The following DNAJB4 variants were observed in gnomAD, a reference collection of about 807,000 sequenced individuals.
DNAJB4 encodes the protein DnaJ heat shock protein family (Hsp40) member B4.
DNAJB4 carries 10 observed loss-of-function variants against 26.6 expected under a neutral mutation model. The observed-to-expected ratio is 0.38, with a 90% CI of 0.23 to 0.64. DNAJB4 has a LOEUF of 0.64. Among genes scored for constraint, DNAJB4 ranks in the 30% least tolerant of loss-of-function variants. The pLI is 0.58. For synonymous variants in DNAJB4, 136 were observed against 134.8 expected, an observed-to-expected ratio of 1.01 and a Z score of -0.06; for missense variants, 328 against 408.2, an observed-to-expected ratio of 0.80 and a Z score of 1.69.
chr1:78,008,860 A>C (rs1660395178), intron 1 of DNAJB4, among the ~76,000 whole-genome samples: 1 of 152,184 alleles, frequency 6.6e-6, no homozygotes, highest in Admixed American at 6.5e-5. Flanking sequence ...TTAGTCTTGA[A>C]TAGTTTAGTG....
chr1:77,995,762 G>A (rs1660046008), intron 1 of DNAJB4, among the ~76,000 whole-genome samples: 1 of 152,146 alleles, frequency 6.6e-6, no homozygotes, highest in African/African-American at 2.4e-5. Context: ...CTAACTCAGT[G>A]TTTAAAATCA....
rs189349371 is a variant in DNAJB4 at position 77,986,367 on chromosome 1, A to C, written c.-32+6045A>C. The stretch of plus-strand genomic sequence containing the variant: ...CATCTAGTCTTCATCCAGACAACTC[A>C]AACAATAAAAATCTTCAAGTCTGAT... On this transcript the variant is annotated intron_variant, in intron 1 of 2. Transcript: ENST00000426517. Among the ~76,000 whole-genome samples, 143 of 152,328 alleles carry C rather than the reference A, an allele frequency of 9.4e-4. 2 individuals are homozygous for C. The highest frequency in any genetic ancestry group is 9.3e-3 in the Admixed American group (143 of 15,308).
chr1:77,988,555 A>T (rs1435544946), intron 1 of DNAJB4, among the ~76,000 whole-genome samples: 1 of 152,112 alleles, frequency 6.6e-6, no homozygotes, highest in Non-Finnish European at 1.5e-5. Flanking sequence ...TTCCTCAAAG[A>T]TGCCTTGCAT....
At chr1:77,988,467 T>A (rs1432693604) in intron 1 of DNAJB4, among the ~76,000 whole-genome samples, 1 of 152,226 alleles carries the variant, frequency 6.6e-6, no homozygotes, top group African/African-American at 2.4e-5. Flanking sequence ...TACAAGCCTC[T>A]GTATTGCATC....
chr1:77,999,608 A>G (rs1271629092), intron 1 of DNAJB4, among the ~76,000 whole-genome samples: 1 of 152,202 alleles, frequency 6.6e-6, no homozygotes, highest in African/African-American at 2.4e-5. Flanking sequence ...CTATTTGTCA[A>G]TAAACATCCA....
chr1:78,006,351 A>G (rs1660329752), intron 1 of DNAJB4, among the ~76,000 whole-genome samples: 1 of 152,186 alleles, frequency 6.6e-6, no homozygotes, highest in African/African-American at 2.4e-5. Flanking sequence ...TTCAACTTTT[A>G]ACATCAGGAC....
chr1:77,996,147 A>T lies in DNAJB4; in HGVS notation c.-31-8933A>T, dbSNP rs559979285. 2.0e-4 allele frequency among the ~76,000 whole-genome samples: 30 copies of T among 152,238 alleles called. No homozygotes were observed. The East Asian group carries it at 5.4e-3, about 27-fold the overall frequency. On this transcript the variant is annotated intron_variant, in intron 1 of 2. Transcript: ENST00000426517. ...AAGTTAGTTCTATACTCCCCAAAAA[A>T]GGAAATGATATATATATTTTTTGGA...
chr1:78,017,292 T>A lies in DNAJB4; in HGVS notation c.*1045T>A, dbSNP rs183698927. 5 of 152,092 alleles carry A rather than the reference T, an allele frequency of 3.3e-5. No individual in the cohort carries two copies. Among genetic ancestry groups the A allele is most frequent in the African/African-American group, 1.2e-4 (5 of 41,560 alleles). 9.4% of individuals were successfully genotyped at this position (152,092 alleles called of 1,614,324 possible). A position where few individuals can be genotyped will look rare whatever the true frequency, so the allele number is the denominator to read the frequency against. On this transcript the variant is annotated 3_prime_UTR_variant, in exon 3 of 3. Transcript: ENST00000370763. ...GCATTTCTTAGGTGTTTTAATTTTT[T>A]AAATATATTTATGTTTTAAAAATTT...
chr1:77,989,718 G>A (rs1659888077), intron 1 of DNAJB4, among the ~76,000 whole-genome samples: 1 of 152,142 alleles, frequency 6.6e-6, no homozygotes, highest in Non-Finnish European at 1.5e-5. Context: ...GTGGTGTCAG[G>A]ATGCCTTCAG....
intron 2 of DNAJB4, among the ~76,000 whole-genome samples, chr1:78,014,710 C>G (rs1660587218): frequency 1.3e-5 from 2 of 152,062 alleles, no homozygotes; most frequent in Admixed American, 1.3e-4. Context: ...AAGTAATTCT[C>G]CTGCCTCAGG....
chr1:77,992,412 C>CAAAAAAAAAA (rs67649336), intron 1 of DNAJB4, among the ~76,000 whole-genome samples: 3 of 47,744 alleles, frequency 6.3e-5, no homozygotes, highest in African/African-American at 8.2e-5. Flanking sequence ...GACTCCGTCT[C>CAAAAAAAAAA]AAAAAAAAAA....
intron 1 of DNAJB4, among the ~76,000 whole-genome samples, chr1:78,010,504 A>G (rs556111993): frequency 6.6e-6 from 1 of 152,302 alleles, no homozygotes; most frequent in Non-Finnish European, 1.5e-5. Flanking sequence ...TATACTTGTC[A>G]TTCTACAAGG....
intron 1 of DNAJB4, among the ~76,000 whole-genome samples, chr1:78,010,225 A>T (rs1341097669): frequency 6.6e-6 from 1 of 152,144 alleles, no homozygotes; most frequent in Non-Finnish European, 1.5e-5. Context: ...GTCTTATAAG[A>T]GGCTAGATTG....
At chr1:78,003,455 G>A (rs974888339), upstream of DNAJB4, among the ~76,000 whole-genome samples, 4 of 152,262 alleles carry the variant, frequency 2.6e-5, no homozygotes, top group Middle Eastern at 3.4e-3. Flanking sequence ...AATGCACAAA[G>A]ATGAACATTC....
At chr1:78,011,691 C>A (rs942528229) in intron 1 of DNAJB4, among the ~76,000 whole-genome samples, 4 of 151,724 alleles carry the variant, frequency 2.6e-5, no homozygotes, top group African/African-American at 9.7e-5. Flanking sequence ...ACCATGTAGA[C>A]CAGGCTGGTC....
intron 1 of DNAJB4, among the ~76,000 whole-genome samples, chr1:78,005,899 G>T (rs963839280): frequency 6.6e-6 from 1 of 152,176 alleles, no homozygotes; most frequent in Non-Finnish European, 1.5e-5. Context: ...GTTGTTTTTG[G>T]CATTCTGCCT....
At chr1:78,011,182 G>A (rs1660462510) in intron 1 of DNAJB4, among the ~76,000 whole-genome samples, 1 of 152,064 alleles carries the variant, frequency 6.6e-6, no homozygotes, top group African/African-American at 2.4e-5. Flanking sequence ...AATCTTTTGT[G>A]GGTTAAATAT....
chr1:77,980,371 G>T (rs1355190099), intron 1 of DNAJB4: 12 of 147,056 alleles, frequency 8.2e-5, no homozygotes, highest in Non-Finnish European at 1.7e-4. Context: ...GTGTGTGTGT[G>T]TGTAAATTGG....
chr1:78,009,995 C>T (rs930888994), intron 1 of DNAJB4, among the ~76,000 whole-genome samples: 1 of 152,082 alleles, frequency 6.6e-6, no homozygotes, highest in African/African-American at 2.4e-5. Flanking sequence ...TTAATAGTGT[C>T]TAGGAAAACC....
Sources: gnomAD v4.1 joint callset for allele counts (sites outside exome capture counted in the v4.1 genomes callset) on GRCh38, gnomAD v4.1.1 for gene constraint, MANE v1.5 for transcripts, NCBI Gene and HGNC (gene_info 2026-07-23, HGNC 2026-07-21) for gene names.